NXN: variants seen among roughly 807,000 people sequenced by gnomAD.
NXN encodes nucleoredoxin 1.
Under a neutral mutation model 48.6 loss-of-function variants are expected in NXN, and 16 were observed. The ratio of observed to expected loss-of-function variants is 0.33; its 90% CI spans 0.22 to 0.50. The LOEUF (loss-of-function observed/expected upper bound fraction) is 0.50, where lower values mean the gene tolerates loss of function less well. NXN is among the 20% of genes least tolerant of loss of function. The pLI is 0.98. For synonymous variants in NXN, 281 were observed against 269.6 expected (o/e 1.04, Z -0.41); for missense variants, 492 against 605.5 (o/e 0.81, Z 1.97).
At chr17:883,616 A>AG (rs2068309577) in intron 1 of NXN, among the ~76,000 whole-genome samples, 1 of 152,258 alleles carries the variant, frequency 6.6e-6, no homozygotes, top group Non-Finnish European at 1.5e-5. Context: ...CGATGCTGGA[A>AG]GGGCAGAAAT....
chr17:974,704 G>A (rs2069437317), intron 1 of NXN, among the ~76,000 whole-genome samples: 1 of 151,912 alleles, frequency 6.6e-6, no homozygotes, highest in Non-Finnish European at 1.5e-5. Context: ...TTTTAGCCAT[G>A]TATTAGACTG....
intron 1 of NXN, among the ~76,000 whole-genome samples, chr17:975,416 T>C (rs975469304): frequency 6.6e-6 from 1 of 152,146 alleles, no homozygotes; most frequent in Non-Finnish European, 1.5e-5. Flanking sequence ...CCAAATCCTG[T>C]CCCACCCATA....
chr17:827,956 C>A (rs1022522881), intron 1 of NXN, among the ~76,000 whole-genome samples: 1 of 152,168 alleles, frequency 6.6e-6, no homozygotes, highest in African/African-American at 2.4e-5. Flanking sequence ...AGACCTGTAT[C>A]TTGGCAGGAA....
chr17:947,551 G>A (rs1052918765), intron 1 of NXN, among the ~76,000 whole-genome samples: 1 of 151,856 alleles, frequency 6.6e-6, no homozygotes, highest in Non-Finnish European at 1.5e-5. Context: ...TGGCCAACAA[G>A]GTGAAACCCC....
chr17:859,230 C>T (rs1156695338), intron 1 of NXN, among the ~76,000 whole-genome samples: 1 of 152,164 alleles, frequency 6.6e-6, no homozygotes, highest in Non-Finnish European at 1.5e-5. Flanking sequence ...TGGGCCCCCT[C>T]CCTGAGATGT....
chr17:960,563 C>T (rs1336744063), intron 1 of NXN, among the ~76,000 whole-genome samples: 1 of 152,114 alleles, frequency 6.6e-6, no homozygotes, highest in Admixed American at 6.6e-5. Flanking sequence ...AGGCTGGACA[C>T]AAGTCCCTGG....
At chr17:913,683 C>T (rs2068658056) in intron 1 of NXN, among the ~76,000 whole-genome samples, 1 of 152,028 alleles carries the variant, frequency 6.6e-6, no homozygotes, top group Non-Finnish European at 1.5e-5. Context: ...CCAGGCAATG[C>T]AGAGACCGGG....
chr17:871,287 G>C (rs1192477781), intron 1 of NXN, among the ~76,000 whole-genome samples: 1 of 152,042 alleles, frequency 6.6e-6, no homozygotes, highest in African/African-American at 2.4e-5. Context: ...TTAGAACCTG[G>C]TCACTGTGGT....
At chr17:954,802 G>A (rs935188078) in intron 1 of NXN, among the ~76,000 whole-genome samples, 6 of 152,242 alleles carry the variant, frequency 3.9e-5, no homozygotes, top group Non-Finnish European at 7.3e-5. Flanking sequence ...CTACCAGTTA[G>A]GGGCCGCATC....
chr17:917,267 GAGC>G lies in NXN; in HGVS notation c.360+62049_360+62051del, dbSNP rs1567861807. On this transcript the variant is annotated intron_variant, in intron 1 of 7. Transcript: ENST00000336868. This position sits in a 1 kb window ranked among gnomAD's most constrained non-coding sequence, Gnocchi z 4.5. ...AGCGATTCTCCTGCCTCAGCCTCCC[GAGC>G]AGCTGGGACTACAGGCGCCCGCCAC... 6.6e-6 allele frequency among the ~76,000 whole-genome samples: 1 copy of G among 151,776 alleles called. No individual in the cohort carries two copies. The highest frequency in any genetic ancestry group is 1.5e-5 in the Non-Finnish European group (1 of 67,974).
At chr17:936,175 T>C (rs1483753797) in intron 1 of NXN, among the ~76,000 whole-genome samples, 2 of 149,790 alleles carry the variant, frequency 1.3e-5, no homozygotes, top group Non-Finnish European at 1.5e-5. Context: ...TGTGTCCCTC[T>C]CACCAGCACG....
chr17:967,640 G>C (rs1443653705), intron 1 of NXN, among the ~76,000 whole-genome samples: 1 of 152,204 alleles, frequency 6.6e-6, no homozygotes, highest in Non-Finnish European at 1.5e-5. Context: ...GGAAACTATA[G>C]GTTAAAAGAG....
intron 1 of NXN, among the ~76,000 whole-genome samples, chr17:885,081 C>G (rs1686860647): frequency 6.6e-6 from 1 of 152,178 alleles, no homozygotes; most frequent in South Asian, 2.1e-4. Context: ...TGGGATGATA[C>G]AGTATGAAAG....
chr17:810,602 G>A (rs1911929882), intron 5 of NXN, among the ~76,000 whole-genome samples: 1 of 152,070 alleles, frequency 6.6e-6, no homozygotes, highest in African/African-American at 2.4e-5. Flanking sequence ...GAGAGTTAAG[G>A]AAAGGAGCCG....
intron 6 of NXN, 48 bp downstream of exon 6, chr17:805,020 T>TCCCCCCCCCCCCCCCCCCCCCCCCCC: frequency 8.6e-6 from 13 of 1,512,852 alleles, no homozygotes; most frequent in Non-Finnish European, 1.1e-5. Flanking sequence ...GCCCCTCCTG[T>TCCCCCCCCCCCCCCCCCCCCCCCCCC]CCCGCCCCCC....
At chr17:848,171 C>T (rs779432162) in intron 1 of NXN, among the ~76,000 whole-genome samples, 5 of 151,934 alleles carry the variant, frequency 3.3e-5, no homozygotes, top group Non-Finnish European at 7.4e-5. Flanking sequence ...GGAGTCCTGC[C>T]GTGTCGCCCA....
intron 1 of NXN, among the ~76,000 whole-genome samples, chr17:951,872 A>G (rs1057296993): frequency 6.6e-6 from 1 of 152,082 alleles, no homozygotes; most frequent in Non-Finnish European, 1.5e-5. Flanking sequence ...CACTCAGTAG[A>G]CGGAGGGCAC....
chr17:888,840 A>G (rs1000309041), intron 1 of NXN, among the ~76,000 whole-genome samples: 2 of 151,922 alleles, frequency 1.3e-5, no homozygotes, highest in Non-Finnish European at 2.9e-5. Context: ...CTGTAATCCC[A>G]GCTACCCAGG....
At chr17:934,804 G>A in intron 1 of NXN, among the ~76,000 whole-genome samples, 1 of 151,394 alleles carries the variant, frequency 6.6e-6, no homozygotes, top group East Asian at 2.0e-4. Context: ...AACCCGGGAG[G>A]CGGAGGGTGC....
Sources: gnomAD v4.1 joint callset for allele counts (sites outside exome capture counted in the v4.1 genomes callset) on GRCh38, gnomAD v4.1.1 for gene constraint, Gnocchi (gnomAD v3.1) non-coding constraint, MANE v1.5 for transcripts, NCBI Gene and HGNC (gene_info 2026-07-23, HGNC 2026-07-21) for gene names.